The following SCN9A variants were observed in gnomAD, a reference collection of about 807,000 sequenced individuals.
SCN9A encodes the protein sodium channel protein type 9 subunit alpha.
SCN9A carries 131 observed loss-of-function variants against 187.0 expected under a neutral mutation model. That is an observed-to-expected ratio of 0.70 (90% confidence interval 0.61 to 0.81). The LOEUF is 0.81. Among genes scored for constraint, SCN9A ranks in the 30% least tolerant of loss-of-function variants. The probability of loss-of-function intolerance (pLI) is 0.00; values close to 1 mark genes in which losing one functional copy is unlikely to be tolerated. For synonymous variants in SCN9A, 809 were observed against 808.6 expected (o/e 1.00, Z -0.01); for missense variants, 2,252 against 2,396.6 (o/e 0.94, Z 1.26).
chr2:166,286,986 T>C (rs1697793841), intron 10 of SCN9A, among the ~76,000 whole-genome samples: 1 of 152,098 alleles, frequency 6.6e-6, no homozygotes, highest in Non-Finnish European at 1.5e-5. Flanking sequence ...GGCAATTAAC[T>C]CCATATCATC....
chr2:166,353,235 A>G (rs1281759808), intron 1 of SCN9A, among the ~76,000 whole-genome samples: 44 of 151,598 alleles, frequency 2.9e-4, no homozygotes, highest in African/African-American at 5.8e-4. Flanking sequence ...AAAAAAAAAA[A>G]AGAGAAAAAA....
At chr2:166,203,738 T>C (rs1408321628) in intron 26 of SCN9A, among the ~76,000 whole-genome samples, 1 of 151,900 alleles carries the variant, frequency 6.6e-6, no homozygotes, top group Admixed American at 6.6e-5. Flanking sequence ...TTCTAATAGA[T>C]AGAAATATTT....
chr2:166,282,470 A>C (rs6432894), intron 12 of SCN9A, among the ~76,000 whole-genome samples: 114,864 of 152,040 alleles, frequency 0.76, 44,455 homozygotes, highest in African/African-American at 0.93. Flanking sequence ...CTCATGCATA[A>C]CAAGTGTATT....
At chr2:166,333,945 T>C (rs1353684499) in intron 1 of SCN9A, among the ~76,000 whole-genome samples, 4 of 152,106 alleles carry the variant, frequency 2.6e-5, no homozygotes, top group African/African-American at 9.7e-5. Context: ...TTATCTTTAA[T>C]ACATTCAACA....
chr2:166,259,980 C>T (rs1010704524), intron 17 of SCN9A, among the ~76,000 whole-genome samples: 27 of 151,792 alleles, frequency 1.8e-4, no homozygotes, highest in Admixed American at 2.6e-4. Context: ...GCCAATTTTA[C>T]GAAACAGCAT....
intron 1 of SCN9A, among the ~76,000 whole-genome samples, chr2:166,317,020 CATA>C (rs1354737099): frequency 1.3e-5 from 2 of 151,552 alleles, no homozygotes; most frequent in Admixed American, 1.3e-4. Context: ...AAATATAATG[CATA>C]ATAAGTGGAA....
At chr2:166,291,985 C>T (rs1698093318) in intron 9 of SCN9A, among the ~76,000 whole-genome samples, 1 of 152,138 alleles carries the variant, frequency 6.6e-6, no homozygotes, top group African/African-American at 2.4e-5. Context: ...AAAACCTAGG[C>T]AACACCATTC....
chr2:166,310,304 G>C lies in SCN9A; in HGVS notation c.258+1195C>G, dbSNP rs1239833841. Among the ~76,000 whole-genome samples the C allele has an allele frequency of 2.4e-5, 2 of 82,774 alleles. 1 individual carries two copies. Among genetic ancestry groups the C allele is most frequent in the Non-Finnish European group, 5.0e-5 (2 of 39,648 alleles). 54.3% of individuals were successfully genotyped at this position (82,774 alleles called of 152,430 possible). On this transcript the variant is annotated intron_variant, in intron 2 of 26. Coordinates refer to ENST00000642356, the MANE Select transcript of SCN9A (RefSeq NM_001365536.1). ...CACAGCAAAATAAACTACCATCAGA[G>C]TGAACATGCAACCTACAAAATGGGA...
chr2:166,286,937 C>T (rs548471978), intron 10 of SCN9A, among the ~76,000 whole-genome samples: 67 of 152,022 alleles, frequency 4.4e-4, no homozygotes, highest in Non-Finnish European at 7.8e-4. Flanking sequence ...ATGTAAAACT[C>T]GCATAAACCA....
intron 21 of SCN9A, among the ~76,000 whole-genome samples, chr2:166,231,414 T>C (rs1027190571): frequency 2.0e-5 from 3 of 152,188 alleles, no homozygotes; most frequent in African/African-American, 7.2e-5. Context: ...TAATTAGGTT[T>C]GTAGGGATAA....
At chr2:166,331,308 G>T (rs1341758845) in intron 1 of SCN9A, among the ~76,000 whole-genome samples, 1 of 152,052 alleles carries the variant, frequency 6.6e-6, no homozygotes, top group Non-Finnish European at 1.5e-5. Flanking sequence ...ATTACTGATA[G>T]TTGAGCAAAT....
Position 166,226,701 on chromosome 2 carries a change from C to A in SCN9A, c.4264G>T (p.Asp1422Tyr). The A allele has an allele frequency of 1.3e-6, 2 of 1,559,070 alleles. No homozygotes were observed. Among genetic ancestry groups the A allele is most frequent in the Non-Finnish European group, 1.7e-6 (2 of 1,156,794 alleles). Residue 1422 changes from aspartate to tyrosine, a missense_variant, in exon 24 of 27, where the codon GAC (aspartate) becomes TAC (tyrosine). Physicochemically the swap from Asp to Tyr is radical, Grantham distance 160. Transcript: ENST00000642356. ...MYAAVDSVNV[D>Y]KQPKYEYSLY... ...CTATATTCATATTTGGGCTGCTTGT[C>A]TACCTATAAAATTTACAAAAGTTAG...
intron 17 of SCN9A, among the ~76,000 whole-genome samples, chr2:166,262,098 C>T (rs1038586770): frequency 3.3e-5 from 5 of 151,886 alleles, no homozygotes; most frequent in Non-Finnish European, 7.4e-5. Flanking sequence ...CACTAAGAAC[C>T]TCATAGTTAC....
At chr2:166,344,123 A>C (rs1271199135) in intron 1 of SCN9A, among the ~76,000 whole-genome samples, 1 of 152,204 alleles carries the variant, frequency 6.6e-6, no homozygotes, top group Non-Finnish European at 1.5e-5. Context: ...ATCATATTCC[A>C]ATCAACTAAA....
intron 14 of SCN9A, among the ~76,000 whole-genome samples, chr2:166,279,039 G>A (rs1024695585): frequency 2.6e-5 from 4 of 152,148 alleles, no homozygotes; most frequent in Admixed American, 2.6e-4. Flanking sequence ...AGATTGGCAG[G>A]GAGCAGCTGG....
intron 1 of SCN9A, among the ~76,000 whole-genome samples, chr2:166,363,039 A>C (rs1482379317): frequency 1.3e-5 from 2 of 152,128 alleles, no homozygotes; most frequent in African/African-American, 2.4e-5. Context: ...CTTAACCTCC[A>C]CAAGGATTGT....
chr2:166,314,475 A>T (rs1472870343), intron 1 of SCN9A, among the ~76,000 whole-genome samples: 2 of 152,216 alleles, frequency 1.3e-5, no homozygotes, highest in Non-Finnish European at 2.9e-5. Context: ...ACTCAAGGGA[A>T]TTTAAAACAT....
At chr2:166,295,257 G>T (rs1284846188) in intron 7 of SCN9A, among the ~76,000 whole-genome samples, 1 of 152,210 alleles carries the variant, frequency 6.6e-6, no homozygotes, top group Non-Finnish European at 1.5e-5. Flanking sequence ...GCAGAGGTAG[G>T]CAGGGGCCGG....
intron 12 of SCN9A, among the ~76,000 whole-genome samples, chr2:166,284,209 T>C (rs1697623321): frequency 6.6e-6 from 1 of 152,258 alleles, no homozygotes; most frequent in Non-Finnish European, 1.5e-5. Flanking sequence ...AGATTATTTA[T>C]AATCTTCAAT....
Sources: gnomAD v4.1 joint callset for allele counts (sites outside exome capture counted in the v4.1 genomes callset) on GRCh38, gnomAD v4.1.1 for gene constraint, MANE v1.5 for transcripts, NCBI Gene and HGNC (gene_info 2026-07-23, HGNC 2026-07-21) for gene names.